OR9Q1: variants seen among roughly 807,000 people sequenced by gnomAD.
The protein encoded by OR9Q1 is olfactory receptor family 9 subfamily Q member 1.
For synonymous variants in OR9Q1, 153 were observed against 148.6 expected, an observed-to-expected ratio of 1.03 and a Z score of -0.22; for missense variants, 374 against 378.8, an observed-to-expected ratio of 0.99 and a Z score of 0.11.
chr11:58,077,253 G>A (rs1853546228), intron 2 of OR9Q1: 3 of 152,190 alleles, frequency 2.0e-5, no homozygotes, highest in African/African-American at 7.2e-5. Context: ...GATCTTGCAA[G>A]TTTGTCAAGG....
chr11:58,128,204 A>T (rs1854107327), intron 2 of OR9Q1, among the ~76,000 whole-genome samples: 1 of 150,404 alleles, frequency 6.6e-6, no homozygotes, highest in Admixed American at 6.6e-5. Context: ...ATATTTCAAT[A>T]TTTATAGTAG....
In OR9Q1 at chr11:58,160,696, T is replaced by TA. The variant is rs1161566240; in HGVS notation, c.-14-18735_-14-18734insA. Among the ~76,000 whole-genome samples the TA allele has an allele frequency of 5.9e-5, 9 of 152,330 alleles. No individual in the cohort carries two copies. In the East Asian group the frequency reaches 9.6e-4, roughly 16 times the overall value. On this transcript the variant is annotated intron_variant, in intron 2 of 2. Transcript: ENST00000335397. ...TACATTGTCCAGCCTGATATATATATTTTTAAAGTGAAAACACGAGTTCTT... is the reference window on the plus strand; with the variant it reads ...TACATTGTCCAGCCTGATATATATATATTTTAAAGTGAAAACACGAGTTCTT...
chr11:58,122,062 G>C (rs1854038868), intron 2 of OR9Q1, among the ~76,000 whole-genome samples: 1 of 152,128 alleles, frequency 6.6e-6, no homozygotes, highest in African/African-American at 2.4e-5. Context: ...ATTCCACTGG[G>C]ACCTGCCAGG....
In OR9Q1 at chr11:58,181,166, C is replaced by T. The variant is rs1854662001; in HGVS notation, c.*789C>T. 1.2e-5 allele frequency: 2 copies of T among 167,162 alleles called. No individual in the cohort carries two copies. Among genetic ancestry groups the T allele is most frequent in the Admixed American group, 6.5e-5 (1 of 15,294 alleles). 10.4% of individuals were successfully genotyped at this position (167,162 alleles called of 1,614,324 possible). On this transcript the variant is annotated 3_prime_UTR_variant, in exon 3 of 3. Transcript: ENST00000335397. The stretch of plus-strand genomic sequence containing the variant: ...TTTTCTTCCTACCTATTACAGTTCT[C>T]TCTCGTCATATGGCATGACTAAAAA...
chr11:58,091,110 AT>A (rs1360699679), intron 2 of OR9Q1, among the ~76,000 whole-genome samples: 3 of 150,814 alleles, frequency 2.0e-5, no homozygotes, highest in African/African-American at 7.3e-5. Flanking sequence ...GGATTCATTG[AT>A]TTTTTGAAGG....
intron 2 of OR9Q1, among the ~76,000 whole-genome samples, chr11:58,178,947 A>T (rs1854631717): frequency 6.9e-6 from 1 of 144,070 alleles, no homozygotes; most frequent in South Asian, 2.1e-4. Context: ...TATATAATAT[A>T]TATTTACATA....
chr11:58,028,214 C>A (rs1371110339), intron 1 of OR9Q1, among the ~76,000 whole-genome samples: 3 of 152,170 alleles, frequency 2.0e-5, no homozygotes, highest in Admixed American at 2.0e-4. Flanking sequence ...TTGTACCAGA[C>A]CCTGGGGTAG....
At chr11:58,136,903 C>T (rs1854194410) in intron 2 of OR9Q1, among the ~76,000 whole-genome samples, 1 of 152,150 alleles carries the variant, frequency 6.6e-6, no homozygotes, top group African/African-American at 2.4e-5. Context: ...TGTAGTAGCA[C>T]AGACCTGGAG....
At chr11:58,176,797 A>G (rs1482226036) in intron 2 of OR9Q1, among the ~76,000 whole-genome samples, 1 of 152,140 alleles carries the variant, frequency 6.6e-6, no homozygotes, top group African/African-American at 2.4e-5. Context: ...GCTTAGCATT[A>G]TAACTGAGCA....
intron 2 of OR9Q1, among the ~76,000 whole-genome samples, chr11:58,075,204 G>T (rs1206440414): frequency 6.6e-6 from 1 of 152,132 alleles, no homozygotes; most frequent in African/African-American, 2.4e-5. Flanking sequence ...GGGCAGTATG[G>T]CCATTTTCAT....
At chr11:58,109,779 GA>G in intron 2 of OR9Q1, 2 of 350,946 alleles carry the variant, frequency 5.7e-6, no homozygotes, top group South Asian at 2.3e-5. Flanking sequence ...TGCTCAGAGA[GA>G]AAAAAAGTAT....
At chr11:58,136,621 C>T (rs1000521693) in intron 2 of OR9Q1, among the ~76,000 whole-genome samples, 5 of 152,252 alleles carry the variant, frequency 3.3e-5, no homozygotes, top group South Asian at 4.1e-4. Context: ...CGAATTTAGG[C>T]GATGTATCAC....
chr11:58,134,612 C>T (rs1383256295), intron 2 of OR9Q1, among the ~76,000 whole-genome samples: 3 of 152,106 alleles, frequency 2.0e-5, no homozygotes, highest in Non-Finnish European at 4.4e-5. Context: ...AGGGTCAGCA[C>T]TTGAGCAGAC....
chr11:58,180,141 C>G lies in OR9Q1; in HGVS notation c.697C>G (p.Gln233Glu). The G allele has an allele frequency of 6.2e-7, 1 of 1,614,072 alleles. No individual in the cohort carries two copies. The highest frequency in any genetic ancestry group is 1.3e-5 in the African/African-American group (1 of 75,040). Residue 233 changes from glutamine to glutamate, a missense_variant, in exon 3 of 3, where the codon CAG becomes GAG. Physicochemically the swap from Gln to Glu is conservative, Grantham distance 29 (BLOSUM62 2). Coordinates refer to ENST00000335397, the MANE Select transcript of OR9Q1 (RefSeq NM_001005212.4). Reference protein sequence around the residue: ...VAIMGIPAGSQAKTFSTCTSH... With the variant: ...VAIMGIPAGSEAKTFSTCTSH... Reference sequence around the variant, plus strand: ...CATCATGGGGATCCCTGCTGGAAGCCAGGCCAAGACCTTCTCCACCTGCAC... The same window carrying G: ...CATCATGGGGATCCCTGCTGGAAGCGAGGCCAAGACCTTCTCCACCTGCAC...
At chr11:58,110,701 G>A (rs1489624931) in intron 2 of OR9Q1, among the ~76,000 whole-genome samples, 1 of 152,120 alleles carries the variant, frequency 6.6e-6, no homozygotes, top group Non-Finnish European at 1.5e-5. Context: ...TCGACAGTAC[G>A]CCTTCTACTT....
At chr11:58,057,703 G>A (rs1016230915) in intron 2 of OR9Q1, 3 of 152,188 alleles carry the variant, frequency 2.0e-5, no homozygotes, top group African/African-American at 4.8e-5. Flanking sequence ...GGACAGCTGT[G>A]TTCTCTTCCA....
intron 2 of OR9Q1, among the ~76,000 whole-genome samples, chr11:58,176,213 T>C (rs533535312): frequency 6.6e-6 from 1 of 152,202 alleles, no homozygotes; most frequent in African/African-American, 2.4e-5. Context: ...ACTTCTGACA[T>C]TGTTCTGATG....
intron 1 of OR9Q1, among the ~76,000 whole-genome samples, chr11:58,046,587 C>T (rs1011128267): frequency 2.0e-5 from 3 of 152,144 alleles, no homozygotes; most frequent in Admixed American, 6.5e-5. Flanking sequence ...CTCAGCTGAT[C>T]GTGGTGGCTC....
At chr11:58,027,180 C>A (rs1868042) in intron 1 of OR9Q1, among the ~76,000 whole-genome samples, 50,630 of 152,070 alleles carry the variant, frequency 0.33, 8,879 homozygotes, top group East Asian at 0.69. Context: ...CATGCCCAAC[C>A]AAACCCTGGG....
Sources: allele counts gnomAD v4.1 joint callset (sites outside exome capture counted in the v4.1 genomes callset), GRCh38; gene constraint gnomAD v4.1.1; transcripts MANE v1.5; gene names NCBI Gene and HGNC (gene_info 2026-07-23, HGNC 2026-07-21).